MEMO1: variants seen among roughly 807,000 people sequenced by gnomAD.
MEMO1 encodes the protein mediator of cell motility 1, also known as protein MEMO1.
In MEMO1, 6 loss-of-function variants were observed where a neutral mutation model predicts 45.2. The observed-to-expected ratio is 0.13, with a 90% CI of 0.07 to 0.26. The LOEUF (loss-of-function observed/expected upper bound fraction) is 0.26, where lower values mean the gene tolerates loss of function less well. Among genes scored for constraint, MEMO1 ranks in the 10% least tolerant of loss-of-function variants. MEMO1 has a pLI of 1.00. For missense variants in MEMO1, 184 were observed against 370.5 expected (o/e 0.50, Z 4.13); for synonymous variants, 78 against 124.3 (o/e 0.63, Z 2.48).
rs573126757 is a variant in MEMO1, at chr2:31,999,533, G to A, written c.61+10654C>T. ...AAAAATACAAAAATTTGCCAGGCAC[G>A]CTGGTGCCTGCCTGTAGTCCCAGCT... On this transcript the variant is annotated intron_variant, in intron 2 of 9. Coordinates refer to ENST00000404530, the MANE Select transcript of MEMO1 (RefSeq NM_001301833.4). Among the ~76,000 whole-genome samples the A allele has an allele frequency of 1.1e-3, 161 of 152,152 alleles. 1 individual carries two copies. Among genetic ancestry groups the A allele is most frequent in the African/African-American group, 3.7e-3 (153 of 41,528 alleles).
chr2:31,915,923 G>C (rs747862993), intron 6 of MEMO1, among the ~76,000 whole-genome samples: 2 of 152,150 alleles, frequency 1.3e-5, no homozygotes, highest in Middle Eastern at 6.8e-3. Flanking sequence ...TTAAGTAAGA[G>C]GTTTTGTTAC....
intron 7 of MEMO1, 58 bp downstream of exon 7, chr2:31,891,934 A>T: frequency 6.7e-7 from 1 of 1,483,190 alleles, no homozygotes; most frequent in Non-Finnish European, 9.1e-7. Flanking sequence ...GAATGAAAAG[A>T]TACCTTTAAC....
At chr2:31,900,122 C>A (rs530474637) in intron 6 of MEMO1, among the ~76,000 whole-genome samples, 2 of 152,142 alleles carry the variant, frequency 1.3e-5, no homozygotes, top group African/African-American at 4.8e-5. Context: ...GACAGTGTGG[C>A]GATTCCTCAA....
intron 6 of MEMO1, among the ~76,000 whole-genome samples, chr2:31,895,109 A>G (rs558041854): frequency 6.6e-6 from 1 of 152,364 alleles, no homozygotes; most frequent in East Asian, 1.9e-4. Context: ...GAAGTTCATG[A>G]AAGTTCCTAA....
At chr2:31,972,043 T>C (rs767549707) in intron 2 of MEMO1, among the ~76,000 whole-genome samples, 1 of 152,194 alleles carries the variant, frequency 6.6e-6, no homozygotes, top group African/African-American at 2.4e-5. Context: ...TATAAAATTA[T>C]ATCAAGCGCC....
chr2:31,929,064 A>T (rs565370852), intron 4 of MEMO1, among the ~76,000 whole-genome samples: 40 of 152,242 alleles, frequency 2.6e-4, no homozygotes, highest in African/African-American at 9.1e-4. Flanking sequence ...GCATTTTTTT[A>T]TAAAAAACTA....
At chr2:31,887,156 TCA>T (rs1676299183) in intron 7 of MEMO1, among the ~76,000 whole-genome samples, 2 of 152,296 alleles carry the variant, frequency 1.3e-5, no homozygotes, top group African/African-American at 4.8e-5. Context: ...ATGAGTGGAT[TCA>T]CAGAGTGTGG....
chr2:31,919,371 T>C (rs1302479190), intron 5 of MEMO1, among the ~76,000 whole-genome samples: 1 of 152,078 alleles, frequency 6.6e-6, no homozygotes, highest in African/African-American at 2.4e-5. Context: ...CAGACTGGTC[T>C]CAAACTCCTG....
chr2:31,891,461 A>G lies in MEMO1; in HGVS notation c.580+531T>C, dbSNP rs1034829297. 2.6e-5 allele frequency among the ~76,000 whole-genome samples: 4 copies of G among 152,234 alleles called. No homozygotes were observed. The South Asian group carries it at 6.2e-4, about 24-fold the overall frequency. ...CCTTACCCTTATAAAAACATTACCAATGATGACCACAGTGCTTAATAGCCA... is the reference window on the plus strand; with the variant it reads ...CCTTACCCTTATAAAAACATTACCAGTGATGACCACAGTGCTTAATAGCCA... On this transcript the variant is annotated intron_variant, in intron 7 of 9. Coordinates refer to ENST00000404530, the MANE Select transcript of MEMO1 (RefSeq NM_001301833.4).
chr2:31,953,606 C>T (rs1351376316), intron 2 of MEMO1, among the ~76,000 whole-genome samples: 3 of 151,844 alleles, frequency 2.0e-5, no homozygotes, highest in African/African-American at 7.3e-5. Flanking sequence ...CAGATGTGCA[C>T]CACCATGTCC....
intron 6 of MEMO1, among the ~76,000 whole-genome samples, chr2:31,910,064 A>C (rs1021535114): frequency 6.6e-6 from 1 of 152,158 alleles, no homozygotes; most frequent in African/African-American, 2.4e-5. Context: ...GAATTATGTA[A>C]GATTTCTCTT....
intron 5 of MEMO1, among the ~76,000 whole-genome samples, chr2:31,919,639 C>G (rs1471853280): frequency 2.0e-5 from 3 of 151,908 alleles, no homozygotes; most frequent in Admixed American, 6.6e-5. Flanking sequence ...GGCAACATAG[C>G]AAGACCCTAC....
chr2:31,923,815 T>G (rs1572695015), intron 4 of MEMO1: 1 of 1,445,142 alleles, frequency 6.9e-7, no homozygotes. Context: ...CCTAAGTAAG[T>G]GTAATAAGGT....
At chr2:31,919,956 G>GTA (rs1410401535) in intron 5 of MEMO1, among the ~76,000 whole-genome samples, 3 of 142,680 alleles carry the variant, frequency 2.1e-5, no homozygotes, top group African/African-American at 7.5e-5. Flanking sequence ...ACACGTGTGT[G>GTA]TGTGTGTGTG....
At chr2:31,923,585 T>G (rs1197323428) in intron 4 of MEMO1, 2 of 1,495,214 alleles carry the variant, frequency 1.3e-6, no homozygotes, top group Non-Finnish European at 1.8e-6. Flanking sequence ...CTATAGAGAA[T>G]GGTAACTCAG....
chr2:31,931,978 T>C, intron 4 of MEMO1, 89 bp downstream of exon 4: 1 of 1,108,850 alleles, frequency 9.0e-7, no homozygotes, highest in South Asian at 1.4e-5. Context: ...GAGTACATAA[T>C]AACAATAAGT....
rs576295122 is a variant in MEMO1, at chr2:31,906,529, T to C, written c.437+11397A>G. Among the ~76,000 whole-genome samples the C allele has an allele frequency of 5.0e-4, 76 of 152,152 alleles. No individual in the cohort carries two copies. The South Asian group carries it at 0.015, about 30-fold the overall frequency. ...TAGTACAGATGGGGTTTCACCATGT[T>C]GGCCAGGATGGTCTTGAACTCCTGA... On this transcript the variant is annotated intron_variant, in intron 6 of 9. Coordinates refer to ENST00000404530, the MANE Select transcript of MEMO1 (RefSeq NM_001301833.4).
chr2:31,953,044 G>T (rs374890448), intron 2 of MEMO1, among the ~76,000 whole-genome samples: 4 of 152,116 alleles, frequency 2.6e-5, no homozygotes, highest in African/African-American at 9.7e-5. Flanking sequence ...TCTGTATTAT[G>T]TATCTATACT....
At chr2:31,942,641 C>T (rs1167320008) in intron 3 of MEMO1, among the ~76,000 whole-genome samples, 1 of 151,956 alleles carries the variant, frequency 6.6e-6, no homozygotes, top group Non-Finnish European at 1.5e-5. Context: ...CCACTGCCAC[C>T]CCCAGTAGCT....
Sources: allele counts gnomAD v4.1 joint callset (sites outside exome capture counted in the v4.1 genomes callset), GRCh38; gene constraint gnomAD v4.1.1; transcripts MANE v1.5; gene names NCBI Gene and HGNC (gene_info 2026-07-23, HGNC 2026-07-21).